Variants in FARS2 observed in about 807,000 individuals in gnomAD.
FARS2 encodes the protein phenylalanine--tRNA ligase, mitochondrial.
FARS2 carries 40 observed loss-of-function variants against 46.4 expected under a neutral mutation model. That is an observed-to-expected ratio of 0.86 (90% CI 0.67 to 1.12). The LOEUF is 1.12. Among genes scored for constraint, FARS2 ranks in the 50% most tolerant of loss-of-function variants. The pLI is 0.00. For missense variants in FARS2, 513 were observed against 567.9 expected, an observed-to-expected ratio of 0.90 and a Z score of 0.98; for synonymous variants, 234 against 214.9, an observed-to-expected ratio of 1.09 and a Z score of -0.78.
chr6:5,347,054 C>G (rs1290597910), intron 1 of FARS2, among the ~76,000 whole-genome samples: 2 of 152,018 alleles, frequency 1.3e-5, no homozygotes, highest in Non-Finnish European at 2.9e-5. Context: ...GCTGGGATTA[C>G]AGTCACCCAC....
intron 6 of FARS2, chr6:5,694,893 G>A (rs11752777): frequency 0.5 from 75,720 of 150,804 alleles, 19,371 homozygotes; most frequent in Non-Finnish European, 0.53. Context: ...TGTAGTCCTG[G>A]CCATTGGGGA....
intron 6 of FARS2, among the ~76,000 whole-genome samples, chr6:5,614,801 T>C (rs1775384006): frequency 6.6e-6 from 1 of 152,224 alleles, no homozygotes; most frequent in Admixed American, 6.5e-5. Context: ...ATGACTGAAG[T>C]TCATCATCTA....
chr6:5,537,650 G>A (rs890457489), intron 4 of FARS2, among the ~76,000 whole-genome samples: 23 of 152,208 alleles, frequency 1.5e-4, no homozygotes, highest in Admixed American at 2.0e-4. Flanking sequence ...ATGCAGACAA[G>A]AGGCCACATG....
At chr6:5,466,294 C>T (rs958290438) in intron 4 of FARS2, among the ~76,000 whole-genome samples, 1 of 152,178 alleles carries the variant, frequency 6.6e-6, no homozygotes, top group African/African-American at 2.4e-5. Context: ...CTATCCCCAA[C>T]TCCAGGCCAA....
chr6:5,726,097 C>T (rs1760235862), intron 6 of FARS2, among the ~76,000 whole-genome samples: 1 of 152,154 alleles, frequency 6.6e-6, no homozygotes. Flanking sequence ...ATGCTGCCAC[C>T]TTCCTCAAAA....
At chr6:5,535,325 T>C (rs986746006) in intron 4 of FARS2, among the ~76,000 whole-genome samples, 3 of 152,252 alleles carry the variant, frequency 2.0e-5, no homozygotes, top group African/African-American at 7.2e-5. Flanking sequence ...GAAATGTAAA[T>C]ATGTGCAACA....
At chr6:5,620,140 T>C (rs76666740) in intron 6 of FARS2, among the ~76,000 whole-genome samples, 1,996 of 152,008 alleles carry the variant, frequency 0.013, 46 homozygotes, top group African/African-American at 0.046. Flanking sequence ...CATTATACGA[T>C]GTTTAGCAGA....
intron 2 of FARS2, among the ~76,000 whole-genome samples, chr6:5,376,319 T>C (rs1561995343): frequency 6.6e-6 from 1 of 152,094 alleles, no homozygotes; most frequent in Non-Finnish European, 1.5e-5. Flanking sequence ...AACAAGAAAA[T>C]GCAAATTAAA....
chr6:5,458,201 A>G (rs1416994133), intron 4 of FARS2: 2 of 152,452 alleles, frequency 1.3e-5, no homozygotes, highest in African/African-American at 4.8e-5. Flanking sequence ...GTCTAGGTTT[A>G]GTCCTGTGTA....
At chr6:5,699,259 C>G (rs1561808531) in intron 6 of FARS2, among the ~76,000 whole-genome samples, 1 of 152,224 alleles carries the variant, frequency 6.6e-6, no homozygotes, top group Non-Finnish European at 1.5e-5. Flanking sequence ...GGTCTCCTTC[C>G]TCATTCCTTC....
chr6:5,702,088 A>T (rs1308190222), intron 6 of FARS2, among the ~76,000 whole-genome samples: 3 of 152,178 alleles, frequency 2.0e-5, no homozygotes, highest in Non-Finnish European at 4.4e-5. Flanking sequence ...TGTTCTTGAC[A>T]TTCCTCCCTT....
intron 2 of FARS2, among the ~76,000 whole-genome samples, chr6:5,393,439 G>A (rs569465780): frequency 1.3e-5 from 2 of 151,924 alleles, no homozygotes; most frequent in African/African-American, 2.4e-5. Flanking sequence ...GGCGGATCGC[G>A]AGGTCAAGAG....
chr6:5,353,726 G>GTTTTTTTTTTTTTTTTTT lies in FARS2; in HGVS notation c.-21-14819_-21-14802dup, dbSNP rs55998904. ...CTGTTTTTAAATTGTAATATTTGGTGTTTTTTTTTTTTTTTTTTTTTTGCT... is the reference window on the plus strand; with the variant it reads ...CTGTTTTTAAATTGTAATATTTGGTGTTTTTTTTTTTTTTTTTTTTTTTTTTTTTTTTTTTTTTTTGCT... On this transcript the variant is annotated intron_variant, in intron 1 of 6. Transcript: ENST00000274680. Among the ~76,000 whole-genome samples the GTTTTTTTTTTTTTTTTTT allele has an allele frequency of 2.7e-3, 108 of 40,352 alleles. 2 individuals are homozygous for GTTTTTTTTTTTTTTTTTT. Among genetic ancestry groups the GTTTTTTTTTTTTTTTTTT allele is most frequent in the Middle Eastern group, 0.017 (1 of 58 alleles). The allele number at this position is 40,352 out of a possible 152,430, so 26.5% of individuals were successfully genotyped here.
intron 4 of FARS2, among the ~76,000 whole-genome samples, chr6:5,446,199 T>C (rs1235417277): frequency 6.8e-6 from 1 of 147,890 alleles, no homozygotes; most frequent in African/African-American, 2.5e-5. Context: ...TGAGACTCCA[T>C]CTTAAAAAAA....
At chr6:5,341,600 C>G (rs934060555) in intron 1 of FARS2, among the ~76,000 whole-genome samples, 3 of 151,822 alleles carry the variant, frequency 2.0e-5, no homozygotes, top group Non-Finnish European at 2.9e-5. Flanking sequence ...CTCACTACAA[C>G]CTCCATCTCT....
rs138720431 is a variant in FARS2, at chr6:5,582,877, T to G, written c.1066-30292T>G. 4.6e-5 allele frequency among the ~76,000 whole-genome samples: 7 copies of G among 152,340 alleles called. No homozygotes were observed. The East Asian group carries it at 1.3e-3, about 29-fold the overall frequency. The stretch of plus-strand genomic sequence containing the variant: ...AACAGTGTTCAACTTGCAGGTTCCA[T>G]GATGGTTGATTTTTGACTGCTTGAG... On this transcript the variant is annotated intron_variant, in intron 5 of 6. Transcript: ENST00000274680.
rs1472900142 is a variant in FARS2 at position 5,668,102 on chromosome 6, T to TA, written c.1217+54785dup. The TA allele has an allele frequency of 8.5e-5, 13 of 152,292 alleles. No homozygotes were observed. The South Asian group carries it at 2.7e-3, about 32-fold the overall frequency. The allele number at this position is 152,292 out of a possible 1,614,324, so 9.4% of individuals were successfully genotyped here. Reference sequence around the variant, plus strand: ...TTCAGAAGTCTGTGTACACCGACAATAAATGGTAGGTCTGAAAACAGATGA... The same window carrying TA: ...TTCAGAAGTCTGTGTACACCGACAATAAAATGGTAGGTCTGAAAACAGATGA... On this transcript the variant is annotated intron_variant, in intron 6 of 6. Transcript: ENST00000274680.
intron 4 of FARS2, among the ~76,000 whole-genome samples, chr6:5,465,827 C>A (rs1463841370): frequency 6.6e-6 from 1 of 151,208 alleles, no homozygotes; most frequent in African/African-American, 2.4e-5. Flanking sequence ...TTAATTTGAA[C>A]TTATATAACA....
chr6:5,619,496 A>ATGCT (rs1775652984), intron 6 of FARS2, among the ~76,000 whole-genome samples: 1 of 152,144 alleles, frequency 6.6e-6, no homozygotes, highest in African/African-American at 2.4e-5. Flanking sequence ...CAGAGCTGAG[A>ATGCT]TGCTAGAGGT....
Sources: gnomAD v4.1 joint callset for allele counts (sites outside exome capture counted in the v4.1 genomes callset) on GRCh38, gnomAD v4.1.1 for gene constraint, MANE v1.5 for transcripts, NCBI Gene and HGNC (gene_info 2026-07-23, HGNC 2026-07-21) for gene names.